Variants in SGCZ observed in about 807,000 individuals in gnomAD.
The protein encoded by SGCZ is zeta-sarcoglycan.
SGCZ carries 40 observed loss-of-function variants against 41.3 expected under a neutral mutation model. The observed-to-expected ratio is 0.97, with a 90% confidence interval of 0.75 to 1.26. The LOEUF is 1.26. Ranked by LOEUF, SGCZ falls within the 50% of genes most tolerant of loss-of-function variation. SGCZ has a pLI of 0.00. For missense variants in SGCZ, 552 were observed against 369.8 expected (o/e 1.49, Z -4.04); for synonymous variants, 206 against 137.5 (o/e 1.50, Z -3.49).
chr8:14,197,325 C>T (rs1805297159), intron 4 of SGCZ, among the ~76,000 whole-genome samples: 1 of 152,000 alleles, frequency 6.6e-6, no homozygotes, highest in Non-Finnish European at 1.5e-5. Context: ...ACCAAAATTA[C>T]ACAGCTACAA....
chr8:15,160,024 G>T (rs1476780690), intron 1 of SGCZ, among the ~76,000 whole-genome samples: 1 of 151,774 alleles, frequency 6.6e-6, no homozygotes, highest in East Asian at 1.9e-4. Context: ...TTTAATTGTG[G>T]TAAAATTCAT....
chr8:14,243,085 G>A (rs981734178), intron 3 of SGCZ, among the ~76,000 whole-genome samples: 12 of 151,348 alleles, frequency 7.9e-5, no homozygotes, highest in Non-Finnish European at 1.8e-4. Context: ...AATGAGGAGG[G>A]TATGTTATAA....
intron 1 of SGCZ, among the ~76,000 whole-genome samples, chr8:15,140,818 C>T (rs1808292576): frequency 6.6e-6 from 1 of 152,124 alleles, no homozygotes; most frequent in African/African-American, 2.4e-5. Flanking sequence ...CCATTCATTT[C>T]TATCTTCTCA....
chr8:14,164,578 A>C lies in SGCZ; in HGVS notation c.547+2T>G. On this transcript the variant is annotated splice_donor_variant, in intron 5 of 7. Transcript: ENST00000382080. LOFTEE classifies it high-confidence loss of function. ...ATTTTTCAAGACCTCCATCTACAGT[A>C]CCTGTAACTTTCAGCTTTTCAGCCC... is the stretch of plus-strand genomic sequence containing the variant. 6.2e-7 allele frequency: 1 copy of C among 1,613,256 alleles called. No individual in the cohort carries two copies. The highest frequency in any genetic ancestry group is 8.5e-7 in the Non-Finnish European group (1 of 1,179,490).
At chr8:14,276,822 C>T (rs1018108049) in intron 3 of SGCZ, among the ~76,000 whole-genome samples, 1 of 152,164 alleles carries the variant, frequency 6.6e-6, no homozygotes, top group Non-Finnish European at 1.5e-5. Flanking sequence ...TCAGCTATTA[C>T]AGGAAATATC....
chr8:15,177,821 T>G (rs981012886), intron 1 of SGCZ, among the ~76,000 whole-genome samples: 20 of 152,180 alleles, frequency 1.3e-4, no homozygotes, highest in African/African-American at 4.8e-4. Flanking sequence ...TACGTGGACC[T>G]TTCATGGGCG....
At chr8:14,972,211 C>G (rs144630700) in intron 1 of SGCZ, among the ~76,000 whole-genome samples, 1 of 152,240 alleles carries the variant, frequency 6.6e-6, no homozygotes, top group African/African-American at 2.4e-5. Flanking sequence ...TATGGGCATA[C>G]ATTTACCCAT....
At chr8:14,661,537 G>A (rs1195737342) in intron 1 of SGCZ, among the ~76,000 whole-genome samples, 1 of 152,126 alleles carries the variant, frequency 6.6e-6, no homozygotes, top group Non-Finnish European at 1.5e-5. Context: ...ATGAACATAT[G>A]TTTTAGGTTA....
Position 14,283,359 on chromosome 8 carries a change from A to G in SGCZ, c.336+40744T>C, listed in dbSNP as rs562464380. On this transcript the variant is annotated intron_variant, in intron 3 of 7. Transcript: ENST00000382080. ...TTTCCTCTGTCGCAACTTTCTCAGC[A>G]TATTACTACACGTCCTCTGTAAGAG... Among the ~76,000 whole-genome samples, 10 of 152,316 alleles carry G rather than the reference A, an allele frequency of 6.6e-5. 1 individual carries two copies. The South Asian group carries it at 1.4e-3, about 22-fold the overall frequency.
intron 1 of SGCZ, among the ~76,000 whole-genome samples, chr8:14,986,532 A>G (rs1012650024): frequency 2.6e-5 from 4 of 152,114 alleles, no homozygotes; most frequent in African/African-American, 9.6e-5. Context: ...ATTTGATCTT[A>G]GGTAAATTAT....
chr8:14,211,851 T>C (rs984802545), intron 4 of SGCZ, among the ~76,000 whole-genome samples: 2 of 152,102 alleles, frequency 1.3e-5, no homozygotes, highest in African/African-American at 2.4e-5. Context: ...GATTTGTTTT[T>C]TGCAAGATCA....
chr8:14,241,718 A>G (rs1268617484), intron 3 of SGCZ, among the ~76,000 whole-genome samples: 1 of 152,072 alleles, frequency 6.6e-6, no homozygotes, highest in Non-Finnish European at 1.5e-5. Context: ...GACAAAGCAG[A>G]TAGGTGATCC....
chr8:14,153,500 T>C (rs1803776203), intron 5 of SGCZ, among the ~76,000 whole-genome samples: 1 of 152,080 alleles, frequency 6.6e-6, no homozygotes, highest in Non-Finnish European at 1.5e-5. Flanking sequence ...TAGAGTAAAG[T>C]GACCATAGGT....
At chr8:14,257,272 A>C (rs1360962294) in intron 3 of SGCZ, among the ~76,000 whole-genome samples, 1 of 151,922 alleles carries the variant, frequency 6.6e-6, no homozygotes, top group Non-Finnish European at 1.5e-5. Flanking sequence ...TTGAGGCTGC[A>C]GTGAACCGTG....
At chr8:14,391,587 C>T (rs371304366) in intron 2 of SGCZ, among the ~76,000 whole-genome samples, 15 of 151,964 alleles carry the variant, frequency 9.9e-5, no homozygotes, top group East Asian at 7.7e-4. Flanking sequence ...GACAAGGCAC[C>T]AGTTAGGAAA....
chr8:14,474,126 C>T (rs746715749), intron 2 of SGCZ, among the ~76,000 whole-genome samples: 2 of 152,076 alleles, frequency 1.3e-5, no homozygotes, highest in East Asian at 3.9e-4. Context: ...CTGCCTGCAA[C>T]TGGGAAGAGT....
intron 1 of SGCZ, among the ~76,000 whole-genome samples, chr8:15,021,090 T>A (rs1430367527): frequency 6.6e-6 from 1 of 152,204 alleles, no homozygotes; most frequent in African/African-American, 2.4e-5. Context: ...ATGAAAGAAT[T>A]AACAAAATGC....
chr8:14,233,551 AC>A (rs1806647648), intron 4 of SGCZ, among the ~76,000 whole-genome samples: 1 of 148,794 alleles, frequency 6.7e-6, no homozygotes, highest in African/African-American at 2.4e-5. Context: ...ACTGCATAAT[AC>A]TTTATTTATA....
At position 14,154,472 on chromosome 8, in the gene SGCZ, C is replaced by T. The variant is rs528009899; in HGVS notation, c.547+10108G>A. Among the ~76,000 whole-genome samples the T allele has an allele frequency of 1.2e-4, 18 of 152,244 alleles. 1 individual carries two copies. Among genetic ancestry groups the T allele is most frequent in the South Asian group, 4.1e-4 (2 of 4,822 alleles). On this transcript the variant is annotated intron_variant, in intron 5 of 7. Coordinates refer to ENST00000382080, the MANE Select transcript of SGCZ (RefSeq NM_139167.4). ...TTTTGTTATGGGACCCTAAGCTGAT[C>T]GAGACACATGTGAGTAATTCTTTTG...
Sources: gnomAD v4.1 joint callset for allele counts (sites outside exome capture counted in the v4.1 genomes callset) on GRCh38, gnomAD v4.1.1 for gene constraint, MANE v1.5 for transcripts, NCBI Gene and HGNC (gene_info 2026-07-23, HGNC 2026-07-21) for gene names.